UGT1A8: variants seen among roughly 807,000 people sequenced by gnomAD.
UGT1A8 encodes the protein UDP-glucuronosyltransferase 1A8.
In UGT1A8, 39 loss-of-function variants were observed where a neutral mutation model predicts 45.3. The observed-to-expected ratio is 0.86, with a 90% CI of 0.67 to 1.12. The LOEUF is 1.12. Ranked by LOEUF, UGT1A8 falls within the 50% of genes most tolerant of loss-of-function variation. UGT1A8 has a pLI of 0.00. For synonymous variants in UGT1A8, 275 were observed against 249.2 expected, an observed-to-expected ratio of 1.10 and a Z score of -0.97; for missense variants, 719 against 664.9, an observed-to-expected ratio of 1.08 and a Z score of -0.90.
intron 1 of UGT1A8, among the ~76,000 whole-genome samples, chr2:233,716,957 A>G (rs2076536367): frequency 6.6e-6 from 1 of 152,152 alleles, no homozygotes; most frequent in Non-Finnish European, 1.5e-5. Context: ...GGCACCAGGA[A>G]TGTGAGCTTC....
chr2:233,772,483 G>A lies in UGT1A8; in HGVS notation c.1517G>A (p.Cys506Tyr), dbSNP rs1700526717. The A allele has an allele frequency of 1.2e-6, 2 of 1,614,146 alleles. No individual in the cohort carries two copies. Among genetic ancestry groups the A allele is most frequent in the Non-Finnish European group, 1.7e-6 (2 of 1,180,048 alleles). Reference protein sequence around the residue: ...VLTVAFITFKCCAYGYRKCLG... With the variant: ...VLTVAFITFKYCAYGYRKCLG... ...ACAGTGGCCTTCATCACCTTTAAAT[G>A]TTGTGCTTATGGCTACCGGAAATGC... The change falls in exon 5 of 5, where the codon TGT becomes TAT. Residue 506 changes from cysteine to tyrosine, a missense_variant. Cys to Tyr is a radical substitution (Grantham distance 194, BLOSUM62 -2). Transcript: ENST00000373450.
intron 2 of UGT1A8, 66 bp from the exon 3 acceptor site, chr2:233,767,783 T>C: frequency 6.2e-7 from 1 of 1,613,658 alleles, no homozygotes. Context: ...CTAGTTAGTA[T>C]AGCAGATTTG....
intron 1 of UGT1A8, chr2:233,647,804 C>A: frequency 1.3e-6 from 1 of 745,208 alleles, no homozygotes; most frequent in Non-Finnish European, 2.1e-6. Flanking sequence ...AGAGATTTAT[C>A]AAGTTAATTG....
intron 1 of UGT1A8, chr2:233,743,145 C>T (rs1174394425): frequency 2.3e-5 from 8 of 355,378 alleles, no homozygotes; most frequent in Admixed American, 7.6e-5. Context: ...AAAAAAAGTC[C>T]GCTATTCCTC....
chr2:233,649,922 A>G (rs756901633), intron 1 of UGT1A8, among the ~76,000 whole-genome samples: 48 of 152,014 alleles, frequency 3.2e-4, no homozygotes, highest in African/African-American at 1.1e-3. Flanking sequence ...TGGTAAATCT[A>G]TGTTTCATCT....
intron 1 of UGT1A8, chr2:233,692,999 T>C (rs745858663): frequency 6.2e-7 from 1 of 1,614,050 alleles, no homozygotes; most frequent in South Asian, 1.1e-5. Flanking sequence ...TTTAACTCTT[T>C]CCAGGATGGC....
intron 1 of UGT1A8, among the ~76,000 whole-genome samples, chr2:233,619,523 T>C (rs954778394): frequency 6.6e-6 from 1 of 152,208 alleles, no homozygotes; most frequent in Non-Finnish European, 1.5e-5. Flanking sequence ...TTTGCTATTA[T>C]ATCTTCCTGT....
chr2:233,747,484 G>C (rs796155377), intron 1 of UGT1A8: 4 of 1,608,658 alleles, frequency 2.5e-6, no homozygotes, highest in Middle Eastern at 1.7e-4. Flanking sequence ...GAATTTGATC[G>C]CCTTGTGCTG....
At chr2:233,693,911 C>G in intron 1 of UGT1A8, 1 of 1,612,432 alleles carries the variant, frequency 6.2e-7, no homozygotes, top group South Asian at 1.1e-5. Flanking sequence ...CTTCCAGGCT[C>G]TGTCCTCCCT....
intron 1 of UGT1A8, chr2:233,681,993 C>T: frequency 6.2e-7 from 1 of 1,614,172 alleles, no homozygotes; most frequent in South Asian, 1.1e-5. Flanking sequence ...CTACTGCTGA[C>T]CTGTGGCTTT....
In UGT1A8 at chr2:233,729,814, C is replaced by T. The variant is rs776482922; in HGVS notation, c.856-37220C>T. The T allele has an allele frequency of 2.5e-6, 4 of 1,613,896 alleles. No homozygotes were observed. In the South Asian group the frequency reaches 3.3e-5, roughly 13 times the overall value. The stretch of plus-strand genomic sequence containing the variant: ...CTACATTTGCCATGCTTTTTCTGCT[C>T]CTTATGCAAGCCTTGCCTCTGAGCT... On this transcript the variant is annotated intron_variant, in intron 1 of 4. Coordinates refer to ENST00000373450, the MANE Select transcript of UGT1A8 (RefSeq NM_019076.5).
At chr2:233,713,971 G>C (rs1303952104) in intron 1 of UGT1A8, 1 of 1,600,252 alleles carries the variant, frequency 6.2e-7, no homozygotes, top group Non-Finnish European at 8.5e-7. Flanking sequence ...TTTCATTTCT[G>C]CTTCTCATTG....
At position 233,622,648 on chromosome 2, in the gene UGT1A8, T is replaced by C. The variant is rs148277646; in HGVS notation, c.855+4086T>C. ...TGAGCCCTTTGTCAGGTGGATAGAT[T>C]GCAAAAATGTTCTCCCATTTCATAG... On this transcript the variant is annotated intron_variant, in intron 1 of 4. Coordinates refer to ENST00000373450, the MANE Select transcript of UGT1A8 (RefSeq NM_019076.5). Among the ~76,000 whole-genome samples the C allele has an allele frequency of 2.5e-3, 386 of 152,354 alleles. 1 individual carries two copies. The highest frequency in any genetic ancestry group is 8.6e-3 in the African/African-American group (358 of 41,590).
chr2:233,661,950 T>C (rs1322424305), intron 1 of UGT1A8, among the ~76,000 whole-genome samples: 1 of 152,132 alleles, frequency 6.6e-6, no homozygotes, highest in Non-Finnish European at 1.5e-5. Flanking sequence ...CACAATTTAC[T>C]GGAGGGATGA....
intron 1 of UGT1A8, among the ~76,000 whole-genome samples, chr2:233,676,145 C>T (rs923422051): frequency 2.6e-5 from 4 of 152,166 alleles, no homozygotes; most frequent in Non-Finnish European, 5.9e-5. Flanking sequence ...TGAGCTCCAG[C>T]GTCAGACTCC....
intron 1 of UGT1A8, among the ~76,000 whole-genome samples, chr2:233,745,499 C>T (rs763251786): frequency 6.6e-6 from 1 of 151,510 alleles, no homozygotes; most frequent in Non-Finnish European, 1.5e-5. Context: ...TCTAAGATTT[C>T]CTATAGGGTA....
chr2:233,628,407 C>T lies in UGT1A8; in HGVS notation c.855+9845C>T, dbSNP rs776588344. Among the ~76,000 whole-genome samples, 153 of 152,090 alleles carry T rather than the reference C, an allele frequency of 1.0e-3. 2 individuals carry two copies. Among genetic ancestry groups the T allele is most frequent in the Non-Finnish European group, 8.5e-4 (58 of 67,946 alleles). ...TGCATATAAGTGGATCCACACAGCT[C>T]AAAACCCTACTGTTCAATGTCAACT... On this transcript the variant is annotated intron_variant, in intron 1 of 4. Coordinates refer to ENST00000373450, the MANE Select transcript of UGT1A8 (RefSeq NM_019076.5).
chr2:233,734,069 C>T (rs2078473996), intron 1 of UGT1A8, among the ~76,000 whole-genome samples: 1 of 152,054 alleles, frequency 6.6e-6, no homozygotes, highest in South Asian at 2.1e-4. Context: ...AACAAACCTG[C>T]ACATTGTGCA....
chr2:233,765,014 C>G (rs1352821222), intron 1 of UGT1A8, among the ~76,000 whole-genome samples: 2 of 151,988 alleles, frequency 1.3e-5, no homozygotes, highest in Non-Finnish European at 1.5e-5. Context: ...CCAAATCAGG[C>G]TTGGCAGGAG....
Sources: gnomAD v4.1 joint callset for allele counts (sites outside exome capture counted in the v4.1 genomes callset) on GRCh38, gnomAD v4.1.1 for gene constraint, MANE v1.5 for transcripts, NCBI Gene and HGNC (gene_info 2026-07-23, HGNC 2026-07-21) for gene names.